Variants in ASTN2 observed in about 807,000 individuals in gnomAD.
ASTN2 encodes the protein astrotactin-2.
A neutral mutation model predicts 139.8 loss-of-function variants in ASTN2; 54 were observed. That is an observed-to-expected ratio of 0.39 (90% CI 0.31 to 0.48). The LOEUF (loss-of-function observed/expected upper bound fraction) is 0.48, where lower values mean the gene tolerates loss of function less well. Among genes scored for constraint, ASTN2 ranks in the 20% least tolerant of loss-of-function variants. ASTN2 has a pLI of 0.95. For missense variants in ASTN2, 1,565 were observed against 1,725.1 expected, an observed-to-expected ratio of 0.91 and a Z score of 1.64; for synonymous variants, 756 against 719.5, an observed-to-expected ratio of 1.05 and a Z score of -0.81.
chr9:116,721,670 T>C (rs1398237433), intron 16 of ASTN2, among the ~76,000 whole-genome samples: 1 of 152,114 alleles, frequency 6.6e-6, no homozygotes, highest in African/African-American at 2.4e-5. Context: ...GCTCTAGTTG[T>C]TTCCTAAGGC....
intron 16 of ASTN2, among the ~76,000 whole-genome samples, chr9:116,679,515 T>C (rs910799747): frequency 4.6e-5 from 7 of 152,178 alleles, no homozygotes; most frequent in Non-Finnish European, 8.8e-5. Flanking sequence ...ATAATTATTA[T>C]GTTAAATGAC....
At chr9:116,610,019 G>C (rs1463130031) in intron 19 of ASTN2, among the ~76,000 whole-genome samples, 3 of 151,654 alleles carry the variant, frequency 2.0e-5, no homozygotes, top group Non-Finnish European at 4.4e-5. Flanking sequence ...CTATCCAAAA[G>C]AAGATAGAAA....
chr9:117,113,870 AG>A (rs1253061570), intron 4 of ASTN2, among the ~76,000 whole-genome samples: 1 of 152,208 alleles, frequency 6.6e-6, no homozygotes, highest in Non-Finnish European at 1.5e-5. Context: ...GGTAGAAAGA[AG>A]GATGTACTGT....
chr9:117,385,114 A>C (rs960765629), intron 1 of ASTN2, among the ~76,000 whole-genome samples: 26 of 152,184 alleles, frequency 1.7e-4, no homozygotes, highest in African/African-American at 5.8e-4. Flanking sequence ...AAGAATCATA[A>C]CATTCTTTTT....
At chr9:116,441,033 T>C (rs1847825195) in intron 21 of ASTN2, among the ~76,000 whole-genome samples, 1 of 152,168 alleles carries the variant, frequency 6.6e-6, no homozygotes, top group Non-Finnish European at 1.5e-5. Flanking sequence ...AAAGAGTGGA[T>C]ACAAAGCACT....
intron 20 of ASTN2, among the ~76,000 whole-genome samples, chr9:116,468,409 AC>A (rs903403082): frequency 1.1e-4 from 16 of 152,160 alleles, no homozygotes; most frequent in African/African-American, 3.9e-4. Flanking sequence ...CCTTGGGCCC[AC>A]CTAAGAGGCA....
At chr9:117,252,708 T>C (rs2133093634) in intron 2 of ASTN2, among the ~76,000 whole-genome samples, 1 of 152,344 alleles carries the variant, frequency 6.6e-6, no homozygotes, top group African/African-American at 2.4e-5. Context: ...ATAAAGAAGC[T>C]GAAGCTCAGT....
At chr9:117,084,036 GAAA>G (rs60435447) in intron 5 of ASTN2, among the ~76,000 whole-genome samples, 1,303 of 120,884 alleles carry the variant, frequency 0.011, 11 homozygotes, top group Non-Finnish European at 0.011. Flanking sequence ...GGATCTTTAA[GAAA>G]AAAAAAAAAA....
At chr9:117,291,267 C>T in intron 2 of ASTN2, 59 bp downstream of exon 2, 3 of 1,584,260 alleles carry the variant, frequency 1.9e-6, no homozygotes, top group South Asian at 2.3e-5. Flanking sequence ...CCCTCCATCT[C>T]TCCACCCATT....
chr9:117,062,927 C>T (rs1047307387), intron 5 of ASTN2, among the ~76,000 whole-genome samples: 4 of 152,122 alleles, frequency 2.6e-5, no homozygotes, highest in Non-Finnish European at 4.4e-5. Context: ...TTTTAAGGGG[C>T]TAGCCTTGGC....
At chr9:116,574,093 G>C (rs564838274) in intron 19 of ASTN2, among the ~76,000 whole-genome samples, 22 of 152,202 alleles carry the variant, frequency 1.4e-4, no homozygotes, top group Non-Finnish European at 2.8e-4. Context: ...AGCTTAGTTA[G>C]ATCAAAGGTC....
chr9:117,355,232 A>G (rs977994650), intron 1 of ASTN2, among the ~76,000 whole-genome samples: 10 of 152,224 alleles, frequency 6.6e-5, no homozygotes, highest in African/African-American at 2.4e-4. Flanking sequence ...AAGTGAATGG[A>G]AAGTTCAGAA....
At chr9:117,180,337 C>T (rs189687724) in intron 3 of ASTN2, among the ~76,000 whole-genome samples, 17 of 152,276 alleles carry the variant, frequency 1.1e-4, no homozygotes, top group African/African-American at 4.1e-4. Context: ...TTGTTGCCAG[C>T]CACTTGAAAC....
chr9:117,144,905 A>T (rs1830160150), intron 3 of ASTN2, among the ~76,000 whole-genome samples: 1 of 151,222 alleles, frequency 6.6e-6, no homozygotes, highest in Admixed American at 6.6e-5. Context: ...CTGGTCTCAA[A>T]CTCCTGACCA....
At chr9:116,704,106 A>G (rs536908649) in intron 16 of ASTN2, among the ~76,000 whole-genome samples, 2 of 152,288 alleles carry the variant, frequency 1.3e-5, no homozygotes, top group South Asian at 2.1e-4. Context: ...TTGTGTCTGA[A>G]TCACAGCTCT....
chr9:116,993,876 A>ATTTTTTT (rs1554767643), intron 7 of ASTN2, among the ~76,000 whole-genome samples: 1 of 142,056 alleles, frequency 7.0e-6, no homozygotes, highest in African/African-American at 2.6e-5. Context: ...ATATATATAT[A>ATTTTTTT]TTTTAACTAT....
chr9:116,519,477 A>C lies in ASTN2; in HGVS notation c.3356-31977T>G, dbSNP rs1850781218. On this transcript the variant is annotated intron_variant, in intron 19 of 22. Coordinates refer to ENST00000313400, the MANE Select transcript of ASTN2 (RefSeq NM_001365068.1). The stretch of plus-strand genomic sequence containing the variant: ...TGAACTGAATGATAATATTGACACA[A>C]CCTGTCAAAAACCTCTGGGATACAG... Among the ~76,000 whole-genome samples the C allele has an allele frequency of 2.0e-5, 3 of 152,050 alleles. No individual in the cohort carries two copies. The South Asian group carries it at 6.2e-4, about 31-fold the overall frequency.
chr9:117,210,038 C>A (rs1050958857), intron 3 of ASTN2, among the ~76,000 whole-genome samples: 1 of 151,930 alleles, frequency 6.6e-6, no homozygotes, highest in African/African-American at 2.4e-5. Context: ...TACCAAAATC[C>A]ATGGAACACA....
At chr9:116,772,272 G>C (rs1003581846) in intron 13 of ASTN2, among the ~76,000 whole-genome samples, 6 of 152,096 alleles carry the variant, frequency 3.9e-5, no homozygotes, top group African/African-American at 1.4e-4. Flanking sequence ...TATGGGGGTG[G>C]GTGTTTCCCA....
Sources: gnomAD v4.1 joint callset for allele counts (sites outside exome capture counted in the v4.1 genomes callset) on GRCh38, gnomAD v4.1.1 for gene constraint, MANE v1.5 for transcripts, NCBI Gene and HGNC (gene_info 2026-07-23, HGNC 2026-07-21) for gene names.